Variants in GPHN observed in about 807,000 individuals in gnomAD.
GPHN encodes gephyrin.
In GPHN, 17 loss-of-function variants were observed where a neutral mutation model predicts 95.5. That is an observed-to-expected ratio of 0.18 (90% CI 0.12 to 0.27). The LOEUF (loss-of-function observed/expected upper bound fraction) is 0.27. Among genes scored for constraint, GPHN ranks in the 10% least tolerant of loss-of-function variants. The pLI is 1.00. For synonymous variants in GPHN, 320 were observed against 322.5 expected (o/e 0.99, Z 0.08); for missense variants, 660 against 978.1 (o/e 0.67, Z 4.34).
chr14:67,169,730 C>T (rs2082488979), intron 21 of GPHN, among the ~76,000 whole-genome samples: 1 of 152,184 alleles, frequency 6.6e-6, no homozygotes, highest in South Asian at 2.1e-4. Flanking sequence ...GAAGTAAATT[C>T]AAATATGGCA....
chr14:66,542,412 A>G (rs1358763801), intron 1 of GPHN, among the ~76,000 whole-genome samples: 1 of 152,182 alleles, frequency 6.6e-6, no homozygotes, highest in Non-Finnish European at 1.5e-5. Context: ...TCACTGAGAA[A>G]ATTGAAGCCA....
At chr14:67,147,581 G>A (rs1002068695) in intron 18 of GPHN, among the ~76,000 whole-genome samples, 1 of 152,222 alleles carries the variant, frequency 6.6e-6, no homozygotes, top group South Asian at 2.1e-4. Context: ...CTGTCACCCA[G>A]GGTAGAGTGC....
the GPHN span, among the ~76,000 whole-genome samples, chr14:67,286,617 AG>A: frequency 6.6e-6 from 1 of 151,890 alleles, no homozygotes; most frequent in African/African-American, 2.4e-5. Context: ...GCACTTTGGG[AG>A]GCCGAGGTGG....
chr14:67,440,660 G>A, the GPHN span, among the ~76,000 whole-genome samples: 2 of 151,994 alleles, frequency 1.3e-5, no homozygotes, highest in Admixed American at 6.5e-5. Context: ...GCTGAGGCAC[G>A]AGAATCACTT....
chr14:66,657,739 C>T (rs1251060592), intron 1 of GPHN, among the ~76,000 whole-genome samples: 1 of 152,164 alleles, frequency 6.6e-6, no homozygotes, highest in African/African-American at 2.4e-5. Flanking sequence ...CTGTTGAGAC[C>T]TACTGCTCAG....
In GPHN at chr14:66,914,053, TA is replaced by T. The variant is rs959399781; in HGVS notation, c.390-1939del. ...CTGATGTAATGTTTTGACAAAATAG[TA>T]AAAAAAAAAATTGATGGGAAATAAC... is the stretch of plus-strand genomic sequence containing the variant. On this transcript the variant is annotated intron_variant, in intron 5 of 22. Coordinates refer to ENST00000478722, the MANE Select transcript of GPHN (RefSeq NM_020806.5). Among the ~76,000 whole-genome samples, 592 of 146,752 alleles carry T rather than the reference TA, an allele frequency of 4.0e-3. 12 individuals are homozygous for T. Among genetic ancestry groups the T allele is most frequent in the African/African-American group, 0.013 (537 of 40,168 alleles).
chr14:67,302,893 T>C, the GPHN span, among the ~76,000 whole-genome samples: 1 of 152,338 alleles, frequency 6.6e-6, no homozygotes, highest in South Asian at 2.1e-4. Flanking sequence ...CAAAACAAAG[T>C]CTGTGTCCTG....
At chr14:67,421,289 G>A in the GPHN span, among the ~76,000 whole-genome samples, 8 of 152,040 alleles carry the variant, frequency 5.3e-5, no homozygotes, top group Non-Finnish European at 1.2e-4. Context: ...AAAGCACCTG[G>A]GCATGGTAAA....
At chr14:67,607,764 C>G in the GPHN span, among the ~76,000 whole-genome samples, 1 of 152,112 alleles carries the variant, frequency 6.6e-6, no homozygotes, top group African/African-American at 2.4e-5. Flanking sequence ...ATCCCAGGCT[C>G]TAAAGTTAGA....
At chr14:66,662,130 T>C (rs1341947159) in intron 1 of GPHN, among the ~76,000 whole-genome samples, 1 of 152,154 alleles carries the variant, frequency 6.6e-6, no homozygotes, top group Non-Finnish European at 1.5e-5. Context: ...GCAGAAGTGG[T>C]ACACCCACAC....
chr14:67,376,358 T>A, the GPHN span: 1 of 1,326,792 alleles, frequency 7.5e-7, no homozygotes, highest in Non-Finnish European at 1.0e-6. Context: ...TGTAGCCAAA[T>A]TATGTTATTT....
chr14:67,454,915 C>T, the GPHN span, among the ~76,000 whole-genome samples: 1 of 151,900 alleles, frequency 6.6e-6, no homozygotes, highest in African/African-American at 2.4e-5. Context: ...ACTCTGTCAC[C>T]CAGGCTAGAG....
At chr14:67,422,460 C>T in the GPHN span, among the ~76,000 whole-genome samples, 11 of 152,310 alleles carry the variant, frequency 7.2e-5, no homozygotes, top group South Asian at 1.9e-3. Context: ...ATTTTAGCCA[C>T]GCAACTCACC....
chr14:67,578,223 G>C, the GPHN span: 1 of 1,605,766 alleles, frequency 6.2e-7, no homozygotes, highest in Non-Finnish European at 8.5e-7. The surrounding 1 kb of genome is among the most constrained non-coding windows in gnomAD (Gnocchi z 5.0). Flanking sequence ...GGGTGGAGCA[G>C]CTGACAGAAG....
intron 1 of GPHN, among the ~76,000 whole-genome samples, chr14:66,539,383 GA>G (rs2059263516): frequency 6.9e-6 from 1 of 145,216 alleles, no homozygotes; most frequent in Non-Finnish European, 1.5e-5. Context: ...ACTACTGCAT[GA>G]AAAAGCTCAG....
At chr14:67,642,201 A>C in the GPHN span, 2 of 1,614,050 alleles carry the variant, frequency 1.2e-6, no homozygotes, top group Non-Finnish European at 1.7e-6. Flanking sequence ...CACCTAAAAG[A>C]CTTTGGAGAT....
the GPHN span, chr14:67,392,885 T>G: frequency 6.5e-7 from 1 of 1,542,126 alleles, no homozygotes; most frequent in Non-Finnish European, 8.9e-7. Flanking sequence ...CGATGGGTGA[T>G]GGACCAGCGT....
chr14:67,539,169 A>G, the GPHN span, among the ~76,000 whole-genome samples: 1 of 152,212 alleles, frequency 6.6e-6, no homozygotes. Flanking sequence ...AAATCCCAGT[A>G]AAGGACAAGG....
At chr14:67,515,453 C>T in the GPHN span, 8 of 175,996 alleles carry the variant, frequency 4.5e-5, no homozygotes, top group South Asian at 9.5e-4. Flanking sequence ...ACCCATAGTA[C>T]GGATGCGCTG....
Sources: allele counts gnomAD v4.1 joint callset (sites outside exome capture counted in the v4.1 genomes callset), GRCh38; gene constraint gnomAD v4.1.1; non-coding constraint Gnocchi (gnomAD v3.1); transcripts MANE v1.5; gene names NCBI Gene and HGNC (gene_info 2026-07-23, HGNC 2026-07-21).